Variants in PIEZO1 observed in about 807,000 individuals in gnomAD.
PIEZO1 encodes the protein piezo type mechanosensitive ion channel component 1 (Er blood group), also known as piezo-type mechanosensitive ion channel component 1.
In PIEZO1, 296 loss-of-function variants were observed where a neutral mutation model predicts 297.2. The observed-to-expected ratio is 1.00, with a 90% CI of 0.91 to 1.10. The LOEUF (loss-of-function observed/expected upper bound fraction) is 1.10, where lower values mean the gene tolerates loss of function less well. PIEZO1 is among the 50% of genes least tolerant of loss of function. PIEZO1 has a pLI of 0.00. For missense variants in PIEZO1, 5,018 were observed against 3,455.5 expected (o/e 1.45, Z -11.34); for synonymous variants, 2,427 against 1,507.5 (o/e 1.61, Z -14.13).
Position 88,732,367 on chromosome 16 carries a change from T to C in PIEZO1, c.2959A>G (p.Ile987Val). Residue 987 changes from isoleucine (I) to valine (V), a missense_variant, in exon 21 of 51, where the codon ATC becomes GTC. Ile to Val is a conservative substitution (Grantham distance 29). Transcript: ENST00000301015. Reference sequence around the variant, plus strand: ...CCGAATTTGTAGAAGAAGAAGTTGATGAAGTACTTGAGGCAGCCGAGCAGA... The same window carrying C: ...CCGAATTTGTAGAAGAAGAAGTTGACGAAGTACTTGAGGCAGCCGAGCAGA... ...QDLLGCLKYF[I>V]NFFFYKFGLE... The C allele has an allele frequency of 6.5e-7, 1 of 1,549,578 alleles. No homozygotes were observed. The highest frequency in any genetic ancestry group is 8.7e-7 in the Non-Finnish European group (1 of 1,146,420).
At position 88,719,654 on chromosome 16, in the gene PIEZO1, G is replaced by C. The variant is rs1597442857; in HGVS notation, c.6391C>G (p.Leu2131Val). ...VMDWVWTDTT[L>V]SLSSWMCVED... ...ACACACATCCAGCTGGACAGGGACA[G>C]CGTGGTGTCCGTCCACACCCAGTCC... Residue 2131 changes from leucine to valine, a missense_variant, in exon 44 of 51, where the codon CTG becomes GTG. Physicochemically the swap from Leu to Val is conservative, Grantham distance 32 (BLOSUM62 1). Coordinates refer to ENST00000301015, the MANE Select transcript of PIEZO1 (RefSeq NM_001142864.4). The C allele has an allele frequency of 1.3e-6, 2 of 1,554,126 alleles. No individual in the cohort carries two copies. The highest frequency in any genetic ancestry group is 1.7e-6 in the Non-Finnish European group (2 of 1,149,014).
At chr16:88,717,000 C>G (rs1379850002) in intron 45 of PIEZO1, 23 bp downstream of exon 45, 10 of 1,549,498 alleles carry the variant, frequency 6.5e-6, no homozygotes, top group Non-Finnish European at 8.7e-6. Context: ...TGGGAATGGA[C>G]AGGCGGACCC....
intron 2 of PIEZO1, among the ~76,000 whole-genome samples, chr16:88,744,686 C>G (rs559623150): frequency 6.6e-6 from 1 of 151,614 alleles, no homozygotes; most frequent in Non-Finnish European, 1.5e-5. Context: ...GTTCAGTTCT[C>G]GGGCCGGCCA....
Position 88,726,356 on chromosome 16 carries a change from C to A in PIEZO1, c.3896G>T (p.Arg1299Leu). Residue 1299 changes from arginine (R) to leucine (L), a missense_variant, in exon 27 of 51, where the codon CGC becomes CTC. Coordinates refer to ENST00000301015, the MANE Select transcript of PIEZO1 (RefSeq NM_001142864.4). ...SVCFFFLLLQ[R>L]RVFLSHYYLH... ...GTAGTAATGGCTAAGGAAGACGCGG[C>A]GCTGCAGCAGCAGGAAGAAGAAGCA... is the stretch of plus-strand genomic sequence containing the variant. 1 of 1,550,352 alleles carries A rather than the reference C, an allele frequency of 6.5e-7. No individual in the cohort carries two copies. The highest frequency in any genetic ancestry group is 8.7e-7 in the Non-Finnish European group (1 of 1,146,900).
chr16:88,725,052 C>A lies in PIEZO1; in HGVS notation c.4191G>T (p.Pro1397=). Residue 1397 remains proline, a synonymous_variant, in exon 30 of 51, where the codon CCG becomes CCT. Transcript: ENST00000301015. ...AGGGCCGCCACCACTGCCTCCGTGG[C>A]GGGGAGGAGCCCCCTGGACTGTCGG... The part of the protein sequence containing the change: ...PGPDSPGGSS[P]PRRQWWRPWL... The A allele has an allele frequency of 3.3e-6, 5 of 1,497,052 alleles. No individual in the cohort carries two copies. The highest frequency in any genetic ancestry group is 2.6e-5 in the South Asian group (2 of 76,012). The allele number at this position is 1,497,052 out of a possible 1,614,324, so 92.7% of individuals were successfully genotyped here. A position where few individuals can be genotyped will look rare whatever the true frequency, so the allele number is the denominator to read the frequency against.
intron 1 of PIEZO1, among the ~76,000 whole-genome samples, chr16:88,759,968 C>T (rs1291337689): frequency 3.3e-5 from 5 of 152,082 alleles, no homozygotes; most frequent in East Asian, 1.9e-4. Context: ...CCCTGGCATC[C>T]GGGCCTGCTC....
At chr16:88,770,339 G>A (rs1225342701) in intron 1 of PIEZO1, among the ~76,000 whole-genome samples, 2 of 152,142 alleles carry the variant, frequency 1.3e-5, no homozygotes, top group African/African-American at 4.8e-5. Context: ...GCCGGGCCCC[G>A]CCTGCATCAC....
Position 88,716,214 on chromosome 16 carries a change from C to T in PIEZO1, c.7113G>A (p.Val2371=). 1 of 1,499,904 alleles carries T rather than the reference C, an allele frequency of 6.7e-7. No individual in the cohort carries two copies. The highest frequency in any genetic ancestry group is 8.9e-7 in the Non-Finnish European group (1 of 1,119,040). The allele number at this position is 1,499,904 out of a possible 1,614,324, so 92.9% of individuals were successfully genotyped here. A position where few individuals can be genotyped will look rare whatever the true frequency, so the allele number is the denominator to read the frequency against. Residue 2371 remains valine, a synonymous_variant, in exon 49 of 51, where the codon GTG becomes GTA. Transcript: ENST00000301015. The stretch of plus-strand genomic sequence containing the variant: ...CATACTCACTGGGCTGCAGCTGCTT[C>T]ACAGGGTTGGCTTCGGGCCCGTTGG... ...RAPNGPEANP[V]KQLQPNEEAD...
Position 88,721,658 on chromosome 16 carries a change from C to T in PIEZO1, c.5283G>A (p.Arg1761=), listed in dbSNP as rs567925908. The change falls in exon 38 of 51, where the codon CGG becomes CGA. Residue 1761 remains arginine (R), a synonymous_variant. Transcript: ENST00000301015. ...GGAAGTAGGGCTTGTTCTCGTAGCG[C>T]CGCAGCACCACGTGGCTGTTCCAGG... ...FFPWNSHVVL[R]RYENKPYFPP... 1.9e-4 allele frequency: 298 copies of T among 1,550,104 alleles called. 1 individual carries two copies. The East Asian group carries it at 6.6e-3, about 34-fold the overall frequency.
At chr16:88,737,324 C>T (rs762619232) in intron 10 of PIEZO1, 3 of 498,818 alleles carry the variant, frequency 6.0e-6, no homozygotes, top group Non-Finnish European at 7.2e-6. Flanking sequence ...ATCAACGACG[C>T]GGCCACTCAG....
rs567938971 is a variant in PIEZO1 at position 88,748,518 on chromosome 16, G to C, written c.160+866C>G. On this transcript the variant is annotated intron_variant, in intron 2 of 50. Transcript: ENST00000301015. The stretch of plus-strand genomic sequence containing the variant: ...CCCCCCCCCGCACAAGTGGATCAAA[G>C]TCAACTGAGGTCCAACCCCACAGCG... 1.2e-4 allele frequency among the ~76,000 whole-genome samples: 17 copies of C among 146,656 alleles called. No individual in the cohort carries two copies. The South Asian group carries it at 3.0e-3, about 26-fold the overall frequency.
At chr16:88,774,632 A>C (rs952819562) in intron 1 of PIEZO1, among the ~76,000 whole-genome samples, 3 of 152,172 alleles carry the variant, frequency 2.0e-5, no homozygotes, top group Admixed American at 2.0e-4. Flanking sequence ...CTGAAAAGGA[A>C]GCCGGCAATC....
In PIEZO1 at chr16:88,731,739, G is replaced by C. The variant is rs1180158819; in HGVS notation, c.3163C>G (p.Leu1055Val). ...AGGGCCGGGGGCATCCCCAGGCACAGCAGGTACTGGTACAGCAGGAACAGC... is the reference window on the plus strand; with the variant it reads ...AGGGCCGGGGGCATCCCCAGGCACACCAGGTACTGGTACAGCAGGAACAGC... ...LALFLLYQYL[L>V]CLGMPPALCI... Residue 1055 changes from leucine (L) to valine (V), a missense_variant, in exon 22 of 51, where the codon CTG becomes GTG. By Grantham distance (32) the Leu-to-Val change is conservative (BLOSUM62 1). Coordinates refer to ENST00000301015, the MANE Select transcript of PIEZO1 (RefSeq NM_001142864.4). 1.0e-5 allele frequency: 16 copies of C among 1,549,868 alleles called. No individual in the cohort carries two copies. Among genetic ancestry groups the C allele is most frequent in the Non-Finnish European group, 1.3e-5 (15 of 1,146,832 alleles).
chr16:88,739,521 C>T (rs147841160), intron 5 of PIEZO1: 4 of 152,362 alleles, frequency 2.6e-5, no homozygotes, highest in African/African-American at 4.8e-5. Flanking sequence ...GGGCTGAGAC[C>T]GCAGGCTGTG....
Position 88,721,936 on chromosome 16 carries a change from T to C in PIEZO1, c.5086A>G (p.Ile1696Val), listed in dbSNP as rs955965165. Residue 1696 changes from isoleucine (I) to valine (V), a missense_variant, in exon 37 of 51, where the codon ATC (isoleucine) becomes GTC (valine). Coordinates refer to ENST00000301015, the MANE Select transcript of PIEZO1 (RefSeq NM_001142864.4). ...GAGGCCGTGACCATGTGGTTGAGGA[T>C]GATGATGAAGTAGCAGAGCAGCTCC... ...HSELLCYFII[I>V]LNHMVTASAG... The C allele has an allele frequency of 6.5e-7, 1 of 1,550,002 alleles. No homozygotes were observed. The highest frequency in any genetic ancestry group is 8.7e-7 in the Non-Finnish European group (1 of 1,146,820).
chr16:88,736,372 C>A lies in PIEZO1; in HGVS notation c.1333G>T (p.Val445Leu), dbSNP rs902069811. The A allele has an allele frequency of 1.3e-6, 2 of 1,549,590 alleles. No homozygotes were observed. The highest frequency in any genetic ancestry group is 1.7e-6 in the Non-Finnish European group (2 of 1,146,760). The change falls in exon 12 of 51, where the codon GTA becomes TTA. Residue 445 changes from valine (V) to leucine (L), a missense_variant. Transcript: ENST00000301015. ...ATGAGGCAGGCCCAGAGCAGCAGTA[C>A]GAAGGTCAGCCAGCTGTGGTAGGTG... The part of the protein sequence containing the change: ...SITYHSWLTF[V>L]LLLWACLIWT...
chr16:88,743,041 A>G lies in PIEZO1; in HGVS notation c.161-619T>C, dbSNP rs751510499. Reference sequence around the variant, plus strand: ...CCTGCTGTGCACCAGGTCAGGCCCCAGACCGGCATCCTCTCTCTCTCTGTG... The same window carrying G: ...CCTGCTGTGCACCAGGTCAGGCCCCGGACCGGCATCCTCTCTCTCTCTGTG... On this transcript the variant is annotated intron_variant, in intron 2 of 50. Coordinates refer to ENST00000301015, the MANE Select transcript of PIEZO1 (RefSeq NM_001142864.4). 1.1e-4 allele frequency: 49 copies of G among 456,446 alleles called. No homozygotes were observed. In the Admixed American group the frequency reaches 1.1e-3, roughly 10 times the overall value. 28.3% of individuals were successfully genotyped at this position (456,446 alleles called of 1,614,324 possible). A position where few individuals can be genotyped will look rare whatever the true frequency, so the allele number is the denominator to read the frequency against.
chr16:88,760,951 G>C (rs1747968139), intron 1 of PIEZO1, among the ~76,000 whole-genome samples: 1 of 152,048 alleles, frequency 6.6e-6, no homozygotes, highest in South Asian at 2.1e-4. Context: ...CTGCAGGCCT[G>C]GTGGCTGCTG....
Position 88,720,468 on chromosome 16 carries a change from C to A in PIEZO1, c.5866G>T (p.Ala1956Ser), listed in dbSNP as rs749842564. 6.4e-7 allele frequency: 1 copy of A among 1,550,412 alleles called. No homozygotes were observed. The highest frequency in any genetic ancestry group is 1.2e-5 in the South Asian group (1 of 84,062). The change falls in exon 41 of 51, where the codon GCA becomes TCA. Residue 1956 changes from alanine to serine, a missense_variant. Coordinates refer to ENST00000301015, the MANE Select transcript of PIEZO1 (RefSeq NM_001142864.4). ...ATGAGGGCATAGACGTCGGTGGCTGCGCGGTACTTGGTGTGCAGGATGTCG... is the reference window on the plus strand; with the variant it reads ...ATGAGGGCATAGACGTCGGTGGCTGAGCGGTACTTGGTGTGCAGGATGTCG... ...FHDILHTKYR[A>S]ATDVYALMFL...
Sources: allele counts gnomAD v4.1 joint callset (sites outside exome capture counted in the v4.1 genomes callset), GRCh38; gene constraint gnomAD v4.1.1; transcripts MANE v1.5; gene names NCBI Gene and HGNC (gene_info 2026-07-23, HGNC 2026-07-21).